The following MAGI2 variants were observed in gnomAD, a reference collection of about 807,000 sequenced individuals.
MAGI2 encodes membrane-associated guanylate kinase, WW and PDZ domain-containing protein 2.
A neutral mutation model predicts 133.3 loss-of-function variants in MAGI2; 35 were observed. That is an observed-to-expected ratio of 0.26 (90% CI 0.20 to 0.35). MAGI2 has a LOEUF of 0.35. Ranked by LOEUF, MAGI2 falls within the 10% of genes least tolerant of loss-of-function variation. The pLI, the probability that MAGI2 is intolerant of heterozygous loss-of-function variation, is 1.00. For synonymous variants in MAGI2, 729 were observed against 710.6 expected, an observed-to-expected ratio of 1.03 and a Z score of -0.41; for missense variants, 1,636 against 1,863.4, an observed-to-expected ratio of 0.88 and a Z score of 2.25.
chr7:78,536,314 GT>G (rs1048207459), intron 3 of MAGI2, among the ~76,000 whole-genome samples: 1 of 150,506 alleles, frequency 6.6e-6, no homozygotes, highest in African/African-American at 2.4e-5. Context: ...GGGTTTCACC[GT>G]TTTAGCCGGG....
At chr7:79,304,852 C>G (rs1258186379) in intron 1 of MAGI2, among the ~76,000 whole-genome samples, 1 of 152,170 alleles carries the variant, frequency 6.6e-6, no homozygotes, top group African/African-American at 2.4e-5. Flanking sequence ...TAAATAGTCA[C>G]ACTCCTGTAC....
intron 1 of MAGI2, among the ~76,000 whole-genome samples, chr7:79,427,285 G>C (rs1042621572): frequency 6.6e-6 from 1 of 151,950 alleles, no homozygotes; most frequent in South Asian, 2.1e-4. Context: ...CTAGATGATG[G>C]GTTGATAGGT....
intron 6 of MAGI2, among the ~76,000 whole-genome samples, chr7:78,389,921 T>C (rs1252470230): frequency 6.6e-6 from 1 of 152,226 alleles, no homozygotes; most frequent in Non-Finnish European, 1.5e-5. Context: ...CGTAGACTCT[T>C]AGTAGCTTTT....
chr7:78,477,673 C>A (rs535054923), intron 6 of MAGI2, among the ~76,000 whole-genome samples: 1 of 151,874 alleles, frequency 6.6e-6, no homozygotes, highest in South Asian at 2.1e-4. Flanking sequence ...GGGGAAACCG[C>A]CCCCATGACT....
intron 2 of MAGI2, among the ~76,000 whole-genome samples, chr7:78,867,696 T>TAAAG (rs142730742): frequency 0.062 from 9,351 of 149,698 alleles, 388 homozygotes; most frequent in East Asian, 0.18. Flanking sequence ...ATAATAATAA[T>TAAAG]AAAGAAAGAA....
chr7:79,077,829 G>C (rs1207243193), intron 1 of MAGI2, among the ~76,000 whole-genome samples: 3 of 151,986 alleles, frequency 2.0e-5, no homozygotes, highest in Non-Finnish European at 2.9e-5. Context: ...GTACACTATA[G>C]TCTAATCAGT....
chr7:78,871,277 C>T (rs1296382649), intron 2 of MAGI2, among the ~76,000 whole-genome samples: 2 of 152,046 alleles, frequency 1.3e-5, no homozygotes, highest in Non-Finnish European at 2.9e-5. Context: ...CGCCACTGCA[C>T]TCAGCCTGGG....
At chr7:79,053,641 C>G (rs949847037) in intron 1 of MAGI2, among the ~76,000 whole-genome samples, 1 of 152,066 alleles carries the variant, frequency 6.6e-6, no homozygotes, top group African/African-American at 2.4e-5. Flanking sequence ...TATAAGCTCC[C>G]ACACATGTAA....
At chr7:78,619,494 T>A (rs1807483050) in intron 3 of MAGI2, among the ~76,000 whole-genome samples, 1 of 151,958 alleles carries the variant, frequency 6.6e-6, no homozygotes, top group South Asian at 2.1e-4. Flanking sequence ...GTGATATTAG[T>A]CTTTAAGTTA....
chr7:78,028,784 G>A (rs1463674205), intron 21 of MAGI2, among the ~76,000 whole-genome samples: 2 of 149,902 alleles, frequency 1.3e-5, no homozygotes, highest in Non-Finnish European at 3.0e-5. Context: ...GGGAGGCGGA[G>A]GTTGCAGTGA....
intron 1 of MAGI2, among the ~76,000 whole-genome samples, chr7:79,054,919 T>A (rs1348971307): frequency 2.0e-5 from 3 of 152,186 alleles, no homozygotes; most frequent in African/African-American, 7.2e-5. Context: ...GCCTCCCAAG[T>A]AGCTGGGATT....
chr7:78,386,002 C>T (rs973491167), intron 6 of MAGI2, among the ~76,000 whole-genome samples: 8 of 152,006 alleles, frequency 5.3e-5, no homozygotes, highest in African/African-American at 1.7e-4. Context: ...AACTTCCCCC[C>T]CTAGCTCAAA....
Position 78,133,809 on chromosome 7 carries a change from G to A in MAGI2, c.3032-749C>T, listed in dbSNP as rs143099171. 1.1e-4 allele frequency among the ~76,000 whole-genome samples: 17 copies of A among 152,342 alleles called. No homozygotes were observed. In the East Asian group the frequency reaches 3.3e-3, roughly 29 times the overall value. On this transcript the variant is annotated intron_variant, in intron 17 of 21. Transcript: ENST00000354212. ...TTATACATGTTGGTGTCTGGAGATA[G>A]TAGGTTATAAAGCAGCATGGCCATT...
chr7:79,002,440 C>T (rs925844525), intron 2 of MAGI2, among the ~76,000 whole-genome samples: 6 of 152,044 alleles, frequency 3.9e-5, no homozygotes, highest in Admixed American at 2.0e-4. Flanking sequence ...CAATCTCAGC[C>T]TGTGTATTTG....
At chr7:79,152,825 G>A (rs1343395273) in intron 1 of MAGI2, among the ~76,000 whole-genome samples, 3 of 152,116 alleles carry the variant, frequency 2.0e-5, no homozygotes, top group African/African-American at 7.2e-5. Flanking sequence ...AGAGCTTATT[G>A]TAGAGAACTT....
intron 10 of MAGI2, among the ~76,000 whole-genome samples, chr7:78,225,280 T>TTATC (rs2150853739): frequency 6.6e-6 from 1 of 152,332 alleles, no homozygotes; most frequent in Admixed American, 6.5e-5. Context: ...ATGCCTTGGT[T>TTATC]TATCGTCAGT....
chr7:79,404,718 G>A (rs898337248), intron 1 of MAGI2, among the ~76,000 whole-genome samples: 18 of 152,174 alleles, frequency 1.2e-4, no homozygotes, highest in African/African-American at 4.3e-4. Flanking sequence ...AAGGAGTTAA[G>A]AATCCATGGG....
intron 1 of MAGI2, among the ~76,000 whole-genome samples, chr7:79,053,228 C>T (rs1279699218): frequency 6.6e-6 from 1 of 152,082 alleles, no homozygotes; most frequent in Non-Finnish European, 1.5e-5. Flanking sequence ...CCATCTTGGC[C>T]TCCCGAAGTG....
At chr7:78,783,012 C>CTTTTTTTTTTTTTT (rs11432048) in intron 2 of MAGI2, among the ~76,000 whole-genome samples, 16 of 96,232 alleles carry the variant, frequency 1.7e-4, no homozygotes, top group South Asian at 7.2e-4. Flanking sequence ...TGATTCTTAC[C>CTTTTTTTTTTTTTT]TTTTTTTTTT....
Sources: gnomAD v4.1 joint callset for allele counts (sites outside exome capture counted in the v4.1 genomes callset) on GRCh38, gnomAD v4.1.1 for gene constraint, MANE v1.5 for transcripts, NCBI Gene and HGNC (gene_info 2026-07-23, HGNC 2026-07-21) for gene names.